ACAA2: variants seen among roughly 807,000 people sequenced by gnomAD.
ACAA2 encodes the protein 3-ketoacyl-CoA thiolase, mitochondrial.
A neutral mutation model predicts 44.8 loss-of-function variants in ACAA2; 35 were observed. The ratio of observed to expected loss-of-function variants is 0.78; its 90% CI spans 0.60 to 1.04. The LOEUF is 1.04. Among genes scored for constraint, ACAA2 ranks in the 50% least tolerant of loss-of-function variants. ACAA2 has a pLI of 0.00. For missense variants in ACAA2, 468 were observed against 482.6 expected (o/e 0.97, Z 0.28); for synonymous variants, 142 against 166.5 (o/e 0.85, Z 1.13).
In ACAA2 at chr18:49,812,358, T is replaced by A. The variant is rs956077585; in HGVS notation, c.16+1111A>T. On this transcript the variant is annotated intron_variant, in intron 1 of 9. Transcript: ENST00000285093. ...TCTCAATCCTTCTTTCCACATCTAT[T>A]CCTTTCCCAATTTTCCTCACTCTGT... Among the ~76,000 whole-genome samples the A allele has an allele frequency of 1.2e-4, 11 of 94,102 alleles. No individual in the cohort carries two copies. The East Asian group carries it at 3.5e-3, about 30-fold the overall frequency. The allele number at this position is 94,102 out of a possible 152,430, so 61.7% of individuals were successfully genotyped here.
intron 7 of ACAA2, among the ~76,000 whole-genome samples, chr18:49,789,947 G>A (rs1335860483): frequency 1.3e-5 from 2 of 150,598 alleles, no homozygotes; most frequent in African/African-American, 4.9e-5. Flanking sequence ...GCGAGACTCT[G>A]TGTCAAAAAC....
In ACAA2 at chr18:49,799,222, CCCTCCT is replaced by C. The variant is rs1180124871; in HGVS notation, c.184-1634_184-1629del. Among the ~76,000 whole-genome samples, 6 of 152,184 alleles carry C rather than the reference CCCTCCT, an allele frequency of 3.9e-5. No individual in the cohort carries two copies. The East Asian group carries it at 7.8e-4, about 20-fold the overall frequency. ...AAAAAATCCACAGCTCTCCCTCTCC[CCCTCCT>C]CCTCCCCCTCTCCCCACGGTCTCCC... On this transcript the variant is annotated intron_variant, in intron 2 of 9. Coordinates refer to ENST00000285093, the MANE Select transcript of ACAA2 (RefSeq NM_006111.3).
chr18:49,791,928 T>C (rs978044411), intron 6 of ACAA2, among the ~76,000 whole-genome samples: 10 of 152,178 alleles, frequency 6.6e-5, no homozygotes, highest in African/African-American at 1.9e-4. Context: ...GTTTCTGAAA[T>C]TTCTTAGTTC....
At chr18:49,806,642 C>A (rs1455786098) in intron 1 of ACAA2, among the ~76,000 whole-genome samples, 2 of 152,150 alleles carry the variant, frequency 1.3e-5, no homozygotes, top group African/African-American at 4.8e-5. Flanking sequence ...AAAAATATGA[C>A]AATCAACAGA....
rs1185587923 is a variant in ACAA2 at position 49,801,657 on chromosome 18, G to C, written c.183+1030C>G. ...ATCAAGTTCAAATGCAAGGCCTAGT[G>C]ACTTCTGTGTCCATTGTCATTCTCT... is the stretch of plus-strand genomic sequence containing the variant. On this transcript the variant is annotated intron_variant, in intron 2 of 9. Transcript: ENST00000285093. Among the ~76,000 whole-genome samples, 4 of 151,710 alleles carry C rather than the reference G, an allele frequency of 2.6e-5. No individual in the cohort carries two copies. The South Asian group carries it at 8.3e-4, about 32-fold the overall frequency.
chr18:49,813,437 G>A, intron 1 of ACAA2, 32 bp downstream of exon 1: 2 of 1,238,408 alleles, frequency 1.6e-6, no homozygotes. Flanking sequence ...GGACCCCGAG[G>A]GGCGAGGAGA....
intron 7 of ACAA2, among the ~76,000 whole-genome samples, chr18:49,788,949 T>A (rs1228339070): frequency 6.6e-6 from 1 of 152,200 alleles, no homozygotes; most frequent in East Asian, 1.9e-4. Flanking sequence ...AACAAGCTAC[T>A]CATCAATAGC....
In ACAA2 at chr18:49,794,162, G is replaced by C. The variant is rs556374015; in HGVS notation, c.577+118C>G. The C allele has an allele frequency of 1.9e-4, 143 of 758,662 alleles. 1 individual carries two copies. The South Asian group carries it at 5.5e-3, about 29-fold the overall frequency. The allele number at this position is 758,662 out of a possible 1,614,324, so 47.0% of individuals were successfully genotyped here. A position where few individuals can be genotyped will look rare whatever the true frequency, so the allele number is the denominator to read the frequency against. On this transcript the variant is annotated intron_variant, in intron 5 of 9. Coordinates refer to ENST00000285093, the MANE Select transcript of ACAA2 (RefSeq NM_006111.3). ...TCTAAAGACAAAGGAATAATGAAAA[G>C]ATGTAATAATTCTTAAAGGTATGAT...
chr18:49,808,580 T>C (rs1031335960), intron 1 of ACAA2, among the ~76,000 whole-genome samples: 1 of 152,106 alleles, frequency 6.6e-6, no homozygotes, highest in African/African-American at 2.4e-5. Context: ...ACATCACATA[T>C]CGGTAGGTCC....
chr18:49,792,106 G>C, intron 6 of ACAA2, 46 bp downstream of exon 6: 1 of 1,517,054 alleles, frequency 6.6e-7, no homozygotes, highest in South Asian at 1.2e-5. Context: ...TACTTTTGTT[G>C]AACACACCAG....
At chr18:49,810,496 T>C (rs1046948836) in intron 1 of ACAA2, among the ~76,000 whole-genome samples, 2 of 151,976 alleles carry the variant, frequency 1.3e-5, no homozygotes, top group Non-Finnish European at 2.9e-5. Context: ...AGTAGTGAAA[T>C]ATGCAATATC....
intron 9 of ACAA2, 64 bp downstream of exon 9, chr18:49,785,133 G>A (rs2143943419): frequency 6.4e-7 from 1 of 1,568,340 alleles, no homozygotes. Context: ...TTCTGGGGAA[G>A]CCTAAATCCA....
intron 2 of ACAA2, among the ~76,000 whole-genome samples, chr18:49,800,672 CT>C (rs2023536612): frequency 6.6e-6 from 1 of 152,124 alleles, no homozygotes; most frequent in African/African-American, 2.4e-5. Flanking sequence ...GCAAGATGTG[CT>C]TTGTTAAACA....
At chr18:49,797,157 A>G (rs1469541345) in intron 3 of ACAA2, among the ~76,000 whole-genome samples, 3 of 151,968 alleles carry the variant, frequency 2.0e-5, no homozygotes, top group African/African-American at 7.3e-5. Context: ...ACACCATTCT[A>G]CTTTCTGTCT....
chr18:49,802,040 A>G (rs2023556293), intron 2 of ACAA2, among the ~76,000 whole-genome samples: 2 of 152,114 alleles, frequency 1.3e-5, no homozygotes, highest in South Asian at 4.1e-4. Flanking sequence ...AAGCTCCTAC[A>G]ATGTGTAAGA....
chr18:49,800,288 C>A (rs917351075), intron 2 of ACAA2, among the ~76,000 whole-genome samples: 1 of 150,178 alleles, frequency 6.7e-6, no homozygotes, highest in African/African-American at 2.5e-5. Flanking sequence ...GGTCAGCCCC[C>A]CGCCCGGCCA....
chr18:49,810,816 A>G, intron 1 of ACAA2, among the ~76,000 whole-genome samples: 1 of 151,788 alleles, frequency 6.6e-6, no homozygotes, highest in African/African-American at 2.4e-5. Context: ...CCTCCCGAGT[A>G]GCTGGGACTA....
intron 2 of ACAA2, among the ~76,000 whole-genome samples, chr18:49,800,350 G>T (rs1372089059): frequency 6.6e-6 from 1 of 151,158 alleles, no homozygotes; most frequent in Non-Finnish European, 1.5e-5. Flanking sequence ...CCCCTACTGG[G>T]AAGTGAGGAG....
At chr18:49,808,006 C>T (rs2023627858) in intron 1 of ACAA2, among the ~76,000 whole-genome samples, 1 of 146,636 alleles carries the variant, frequency 6.8e-6, no homozygotes, top group Non-Finnish European at 1.5e-5. Context: ...AAAACCCATG[C>T]AACCCAATTT....
Sources: allele counts gnomAD v4.1 joint callset (sites outside exome capture counted in the v4.1 genomes callset), GRCh38; gene constraint gnomAD v4.1.1; transcripts MANE v1.5; gene names NCBI Gene and HGNC (gene_info 2026-07-23, HGNC 2026-07-21).